AUTS2: variants seen among roughly 807,000 people sequenced by gnomAD.
AUTS2 encodes the protein autism susceptibility gene 2 protein.
AUTS2 carries 17 observed loss-of-function variants against 112.4 expected under a neutral mutation model. The ratio of observed to expected loss-of-function variants is 0.15; its 90% confidence interval spans 0.10 to 0.23. The LOEUF is 0.23. Among genes scored for constraint, AUTS2 ranks in the 10% least tolerant of loss-of-function variants. The pLI, the probability that AUTS2 is intolerant of heterozygous loss-of-function variation, is 1.00. For missense variants in AUTS2, 1,510 were observed against 1,701.6 expected (o/e 0.89, Z 1.98); for synonymous variants, 751 against 702.7 (o/e 1.07, Z -1.09).
At chr7:70,253,097 T>C (rs1786685986) in intron 4 of AUTS2, among the ~76,000 whole-genome samples, 1 of 152,166 alleles carries the variant, frequency 6.6e-6, no homozygotes, top group African/African-American at 2.4e-5. Flanking sequence ...CATTACTAAA[T>C]AATTTTAGTA....
At chr7:70,040,586 G>C (rs1440865803) in intron 2 of AUTS2, among the ~76,000 whole-genome samples, 2 of 150,900 alleles carry the variant, frequency 1.3e-5, no homozygotes, top group Admixed American at 6.6e-5. Context: ...ATGTTGGCTT[G>C]GTGGTACAGC....
chr7:69,945,076 A>G (rs1796758106), intron 2 of AUTS2, among the ~76,000 whole-genome samples: 1 of 151,364 alleles, frequency 6.6e-6, no homozygotes, highest in South Asian at 2.1e-4. Flanking sequence ...AGGTAATGAT[A>G]CCTGTTTCAC....
intron 1 of AUTS2, among the ~76,000 whole-genome samples, chr7:69,707,132 A>G (rs1044541543): frequency 2.0e-5 from 3 of 152,226 alleles, no homozygotes. Context: ...TAACTGTAAA[A>G]GCAAGATTTT....
rs535660434 is a variant in AUTS2 at position 70,246,110 on chromosome 7, G to C, written c.660+111539G>C. On this transcript the variant is annotated intron_variant, in intron 4 of 18. Transcript: ENST00000342771. ...TATATATTTTGATCACTATTCCTTT[G>C]TGAATAATGTGTGTTCCAAAACATT... is the stretch of plus-strand genomic sequence containing the variant. Among the ~76,000 whole-genome samples, 3 of 152,016 alleles carry C rather than the reference G, an allele frequency of 2.0e-5. No homozygotes were observed. In the East Asian group the frequency reaches 5.8e-4, roughly 29 times the overall value.
chr7:70,286,054 T>C (rs1326736470), intron 4 of AUTS2, among the ~76,000 whole-genome samples: 1 of 152,174 alleles, frequency 6.6e-6, no homozygotes, highest in African/African-American at 2.4e-5. Flanking sequence ...GTGATAAGTC[T>C]TTAGGCAGAG....
intron 4 of AUTS2, among the ~76,000 whole-genome samples, chr7:70,189,948 C>T (rs773014282): frequency 1.1e-4 from 16 of 151,982 alleles, no homozygotes; most frequent in East Asian, 3.9e-4. Flanking sequence ...GGCCTTGATC[C>T]GGTACTGATT....
Position 70,157,440 on chromosome 7 carries a change from T to C in AUTS2, c.660+22869T>C, listed in dbSNP as rs190034586. Among the ~76,000 whole-genome samples the C allele has an allele frequency of 8.5e-5, 13 of 152,108 alleles. No individual in the cohort carries two copies. The East Asian group carries it at 2.5e-3, about 30-fold the overall frequency. On this transcript the variant is annotated intron_variant, in intron 4 of 18. Transcript: ENST00000342771. Reference sequence around the variant, plus strand: ...GACCACAGGCACATGCCACCATGCCTGGCTAATTTTTTATTGTTTTATTAT... The same window carrying C: ...GACCACAGGCACATGCCACCATGCCCGGCTAATTTTTTATTGTTTTATTAT...
chr7:69,714,249 A>ATATGTG (rs1293327805), intron 1 of AUTS2, among the ~76,000 whole-genome samples: 19 of 92,868 alleles, frequency 2.0e-4, no homozygotes, highest in Non-Finnish European at 4.3e-4. Context: ...GTGTGTGTAT[A>ATATGTG]TGTGTGTGTG....
intron 2 of AUTS2, among the ~76,000 whole-genome samples, chr7:70,043,819 G>C (rs1801377831): frequency 6.6e-6 from 1 of 151,966 alleles, no homozygotes; most frequent in African/African-American, 2.4e-5. Context: ...ATGTTGGTCA[G>C]GCTGCTCTCG....
chr7:70,267,183 C>G (rs1787469840), intron 4 of AUTS2, among the ~76,000 whole-genome samples: 1 of 152,106 alleles, frequency 6.6e-6, no homozygotes, highest in South Asian at 2.1e-4. Context: ...TATGCTGTAG[C>G]AAATTGCATT....
chr7:70,479,206 C>T (rs181041318), intron 5 of AUTS2, among the ~76,000 whole-genome samples: 3 of 152,000 alleles, frequency 2.0e-5, no homozygotes, highest in Non-Finnish European at 2.9e-5. Flanking sequence ...AAAATCTTGA[C>T]GATGTCCTTT....
chr7:70,042,020 A>G (rs556888890), intron 2 of AUTS2, among the ~76,000 whole-genome samples: 1 of 152,292 alleles, frequency 6.6e-6, no homozygotes, highest in Admixed American at 6.5e-5. Flanking sequence ...AATTAACTTA[A>G]TGGCCTCCTT....
chr7:69,735,034 A>G (rs1786966219), intron 1 of AUTS2, among the ~76,000 whole-genome samples: 1 of 152,244 alleles, frequency 6.6e-6, no homozygotes, highest in Admixed American at 6.5e-5. Flanking sequence ...ATATTCAGAC[A>G]ACTCTATTGC....
chr7:70,127,782 AT>A (rs945432965), intron 3 of AUTS2, among the ~76,000 whole-genome samples: 2 of 152,112 alleles, frequency 1.3e-5, no homozygotes, highest in Non-Finnish European at 2.9e-5. Flanking sequence ...CAGTTGAGAC[AT>A]TTTTTCTGCT....
intron 4 of AUTS2, chr7:70,294,293 T>G (rs1788835728): frequency 6.6e-6 from 1 of 152,150 alleles, no homozygotes; most frequent in African/African-American, 2.4e-5. Context: ...GCAAGAGAAT[T>G]CCCTTTGAAA....
chr7:70,325,774 G>C (rs1790459339), intron 4 of AUTS2, among the ~76,000 whole-genome samples: 1 of 152,130 alleles, frequency 6.6e-6, no homozygotes. Flanking sequence ...AGAGCCATCA[G>C]ATCCACCTGA....
At chr7:70,140,684 T>C (rs1806816282) in intron 4 of AUTS2, among the ~76,000 whole-genome samples, 1 of 152,248 alleles carries the variant, frequency 6.6e-6, no homozygotes, top group Non-Finnish European at 1.5e-5. Context: ...CCCTAATCTT[T>C]GTATTTATTA....
At chr7:70,310,869 C>T (rs1164827562) in intron 4 of AUTS2, among the ~76,000 whole-genome samples, 5 of 152,054 alleles carry the variant, frequency 3.3e-5, no homozygotes, top group Admixed American at 1.3e-4. Flanking sequence ...ATGATGGTAT[C>T]GTCCTACTGG....
chr7:70,508,149 G>A (rs1476709571), intron 5 of AUTS2, among the ~76,000 whole-genome samples: 1 of 149,632 alleles, frequency 6.7e-6, no homozygotes, highest in Admixed American at 6.6e-5. Context: ...GGGGAGCAGA[G>A]GGCTTTTTTT....
Sources: allele counts gnomAD v4.1 joint callset (sites outside exome capture counted in the v4.1 genomes callset), GRCh38; gene constraint gnomAD v4.1.1; transcripts MANE v1.5; gene names NCBI Gene and HGNC (gene_info 2026-07-23, HGNC 2026-07-21).